PPEF2: variants seen among roughly 807,000 people sequenced by gnomAD.
The protein encoded by PPEF2 is serine/threonine-protein phosphatase with EF-hands 2.
A neutral mutation model predicts 84.7 loss-of-function variants in PPEF2; 84 were observed. The ratio of observed to expected loss-of-function variants is 0.99; its 90% CI spans 0.83 to 1.19. The LOEUF is 1.19. Ranked by LOEUF, PPEF2 falls within the 50% of genes most tolerant of loss-of-function variation. The pLI, the probability that PPEF2 is intolerant of heterozygous loss-of-function variation, is 0.00. For synonymous variants in PPEF2, 346 were observed against 345.2 expected (o/e 1.00, Z -0.03); for missense variants, 924 against 937.5 (o/e 0.99, Z 0.19).
At chr4:75,866,082 C>G (rs1724122883) in intron 15 of PPEF2, 107 bp downstream of exon 15, 1 of 1,249,438 alleles carries the variant, frequency 8.0e-7, no homozygotes, top group East Asian at 2.4e-5. Context: ...CCTTTCTCAC[C>G]CATCCAGCTT....
chr4:75,896,281 A>G lies in PPEF2; in HGVS notation c.45T>C (p.Asn15=). Residue 15 remains asparagine, a synonymous_variant, in exon 2 of 17, where the codon AAT becomes AAC. Coordinates refer to ENST00000286719, the MANE Select transcript of PPEF2 (RefSeq NM_006239.3). ...GTGGGAAACACGTACCTCTCTCTGC[A>G]TTCTGGAAAGCAAAATGATGTTGGG... The part of the protein sequence containing the change: ...TSTQHHFAFQ[N]AERAFKAAAL... 1 of 1,614,198 alleles carries G rather than the reference A, an allele frequency of 6.2e-7. No individual in the cohort carries two copies. The highest frequency in any genetic ancestry group is 8.5e-7 in the Non-Finnish European group (1 of 1,180,006).
At chr4:75,885,418 A>G (rs1004067729) in intron 7 of PPEF2, among the ~76,000 whole-genome samples, 3 of 152,152 alleles carry the variant, frequency 2.0e-5, no homozygotes, top group African/African-American at 7.2e-5. Context: ...AAATGCTGGG[A>G]TTACAGGCAT....
chr4:75,879,427 C>A (rs1331809989), intron 10 of PPEF2, among the ~76,000 whole-genome samples: 1 of 152,116 alleles, frequency 6.6e-6, no homozygotes, highest in East Asian at 1.9e-4. Context: ...TTTGCTTCAA[C>A]AAAAATGTAG....
Position 75,891,667 on chromosome 4 carries a change from G to T in PPEF2, c.222C>A (p.Ile74=). The T allele has an allele frequency of 6.2e-7, 1 of 1,611,798 alleles. No homozygotes were observed. Among genetic ancestry groups the T allele is most frequent in the African/African-American group, 1.3e-5 (1 of 74,952 alleles). ...ACTCACTGTCGTTGTGGCTGCTGGG[G>T]ATGAAGTGATCCATGAGATAGCTGA... ...DFFSYLMDHF[I]PSSHNDRDFL... The change falls in exon 4 of 17, where the codon ATC becomes ATA. Residue 74 remains isoleucine (I), a synonymous_variant. Coordinates refer to ENST00000286719, the MANE Select transcript of PPEF2 (RefSeq NM_006239.3).
chr4:75,861,380 AT>A (rs1355994108), intron 16 of PPEF2, among the ~76,000 whole-genome samples: 1 of 151,376 alleles, frequency 6.6e-6, no homozygotes, highest in African/African-American at 2.4e-5. Flanking sequence ...TAGTCAATTG[AT>A]TTTTTTACAA....
intron 2 of PPEF2, among the ~76,000 whole-genome samples, chr4:75,894,295 C>T (rs946018662): frequency 6.6e-6 from 1 of 152,052 alleles, no homozygotes; most frequent in African/African-American, 2.4e-5. Context: ...GGAAGAAGTA[C>T]CTTTCTGTAA....
chr4:75,901,002 A>G (rs1725108188), intron 1 of PPEF2, among the ~76,000 whole-genome samples: 1 of 152,354 alleles, frequency 6.6e-6, no homozygotes, highest in East Asian at 1.9e-4. Flanking sequence ...ATTAACAGTA[A>G]TTACCTCTGG....
At chr4:75,888,116 A>G in intron 6 of PPEF2, 98 bp downstream of exon 6, 3 of 925,902 alleles carry the variant, frequency 3.2e-6, no homozygotes, top group Non-Finnish European at 5.2e-6. Flanking sequence ...GCTTATCATC[A>G]CATCTCCCTG....
intron 2 of PPEF2, among the ~76,000 whole-genome samples, chr4:75,895,137 T>C (rs1724978866): frequency 1.3e-5 from 2 of 151,220 alleles, no homozygotes; most frequent in African/African-American, 2.4e-5. Context: ...ATTTTTTTTT[T>C]TTTTTTTTTG....
At chr4:75,883,870 G>A (rs4629475) in intron 8 of PPEF2, among the ~76,000 whole-genome samples, 65,312 of 134,688 alleles carry the variant, frequency 0.48, 18,495 homozygotes, top group East Asian at 0.98. Context: ...TGGCTCATGC[G>A]TGTTATCCCA....
rs576752478 is a variant in PPEF2 at position 75,888,253 on chromosome 4, G to C, written c.493C>G (p.Arg165Gly). 2 of 1,613,966 alleles carry C rather than the reference G, an allele frequency of 1.2e-6. No individual in the cohort carries two copies. The highest frequency in any genetic ancestry group is 2.7e-5 in the African/African-American group (2 of 75,026). The stretch of plus-strand genomic sequence containing the variant: ...TCCTCACTGTAACAGGTTGAGACCC[G>C]GTTGATGTTTGGCAGCTGTACCAGA... ...KHLVQLPNIN[R>G]VSTCYSEEIT... is the part of the protein sequence containing the mutation. The change falls in exon 6 of 17, where the codon CGG becomes GGG. Residue 165 changes from arginine (R) to glycine (G), a missense_variant. Coordinates refer to ENST00000286719, the MANE Select transcript of PPEF2 (RefSeq NM_006239.3).
intron 12 of PPEF2, 25 bp from the exon 13 acceptor site, chr4:75,872,192 G>A (rs1176094192): frequency 2.7e-5 from 43 of 1,605,612 alleles, no homozygotes; most frequent in Non-Finnish European, 3.6e-5. Context: ...AAGAGAGACA[G>A]GTGTTCACAT....
At chr4:75,867,539 C>T (rs2135234) in intron 13 of PPEF2, 120 bp from the exon 14 acceptor site, 711,796 of 713,614 alleles carry the variant, frequency 1, 355,021 homozygotes, top group East Asian at 1. Context: ...GCTCAGTTTT[C>T]GAGGGAGAGC....
chr4:75,861,852 A>G lies in PPEF2; in HGVS notation c.2009-932T>C, dbSNP rs113828476. On this transcript the variant is annotated intron_variant, in intron 16 of 16. Coordinates refer to ENST00000286719, the MANE Select transcript of PPEF2 (RefSeq NM_006239.3). ...TCTCGATCTCCTGACCTCGTGATCC[A>G]CCTACCTCGGCCTCCCAAAGTGCTG... Among the ~76,000 whole-genome samples, 234 of 138,110 alleles carry G rather than the reference A, an allele frequency of 1.7e-3. No individual in the cohort carries two copies. In the Middle Eastern group the frequency reaches 0.05, roughly 30 times the overall value. The allele number at this position is 138,110 out of a possible 152,430, so 90.6% of individuals were successfully genotyped here. A position where few individuals can be genotyped will look rare whatever the true frequency, so the allele number is the denominator to read the frequency against.
intron 10 of PPEF2, among the ~76,000 whole-genome samples, chr4:75,880,004 C>G (rs1263150201): frequency 6.6e-6 from 1 of 151,766 alleles, no homozygotes; most frequent in South Asian, 2.1e-4. Context: ...AATTTTTGTA[C>G]TTTTAGTAGA....
At chr4:75,892,165 T>TTTCCTGCCCCTCCCCTTCA (rs1313559852) in intron 2 of PPEF2, among the ~76,000 whole-genome samples, 187 bp from the exon 3 acceptor site, 1 of 152,210 alleles carries the variant, frequency 6.6e-6, no homozygotes, top group Non-Finnish European at 1.5e-5. Context: ...CTTTTCCCCA[T>TTTCCTGCCCCTCCCCTTCA]TTCCTGCCCC....
chr4:75,873,157 A>G lies in PPEF2; in HGVS notation c.1476T>C (p.Pro492=), dbSNP rs1218663625. ...GGTTGTGACAGAATTCATAGCCTTC[A>G]GGTTTGCATTCATGTGAACGGATCA... ...QFLIRSHECK[P]EGYEFCHNRK... The change falls in exon 12 of 17, where the codon CCT becomes CCC. Residue 492 remains proline (P), a synonymous_variant. Transcript: ENST00000286719. 24 of 1,614,048 alleles carry G rather than the reference A, an allele frequency of 1.5e-5. No individual in the cohort carries two copies. Among genetic ancestry groups the G allele is most frequent in the East Asian group, 2.2e-5 (1 of 44,900 alleles).
rs369639768 is a variant in PPEF2 at position 75,866,070 on chromosome 4, C to T, written c.1920+119G>A. ...CATAGAAACTCAAGAAATAGTTATTCCCCTTTCTCACCCATCCAGCTTTTT... is the reference window on the plus strand; with the variant it reads ...CATAGAAACTCAAGAAATAGTTATTTCCCTTTCTCACCCATCCAGCTTTTT... On this transcript the variant is annotated intron_variant, in intron 15 of 16. Transcript: ENST00000286719. 112 of 1,136,646 alleles carry T rather than the reference C, an allele frequency of 9.9e-5. No homozygotes were observed. The African/African-American group carries it at 1.6e-3, about 16-fold the overall frequency. The allele number at this position is 1,136,646 out of a possible 1,614,324, so 70.4% of individuals were successfully genotyped here.
chr4:75,867,563 C>T (rs1209048573), intron 13 of PPEF2, 144 bp from the exon 14 acceptor site: 5 of 595,148 alleles, frequency 8.4e-6, no homozygotes, highest in Non-Finnish European at 1.5e-5. Flanking sequence ...TTTACTCTTC[C>T]CTGTTGTACA....
Sources: allele counts gnomAD v4.1 joint callset (sites outside exome capture counted in the v4.1 genomes callset), GRCh38; gene constraint gnomAD v4.1.1; transcripts MANE v1.5; gene names NCBI Gene and HGNC (gene_info 2026-07-23, HGNC 2026-07-21).